The following AMN1 variants were observed in gnomAD, a reference collection of about 807,000 sequenced individuals.
AMN1 encodes antagonist of mitotic exit network 1 homolog, also known as protein AMN1 homolog.
A neutral mutation model predicts 33.0 loss-of-function variants in AMN1; 20 were observed. The ratio of observed to expected loss-of-function variants is 0.61; its 90% confidence interval spans 0.43 to 0.88. The LOEUF is 0.88. Ranked by LOEUF, AMN1 falls within the 40% of genes least tolerant of loss-of-function variation. AMN1 has a pLI of 0.00. For synonymous variants in AMN1, 114 were observed against 111.9 expected (o/e 1.02, Z -0.12); for missense variants, 246 against 307.4 (o/e 0.80, Z 1.49).
chr12:31,685,524 G>A (rs1325623709), intron 6 of AMN1, among the ~76,000 whole-genome samples: 2 of 152,060 alleles, frequency 1.3e-5, no homozygotes, highest in African/African-American at 4.8e-5. Flanking sequence ...CAAACAGCTG[G>A]GCGTGGTAGC....
At chr12:31,688,196 C>G (rs1938350113) in intron 6 of AMN1, among the ~76,000 whole-genome samples, 1 of 152,202 alleles carries the variant, frequency 6.6e-6, no homozygotes, top group Non-Finnish European at 1.5e-5. Flanking sequence ...TCAGGTGATC[C>G]ACCCGCCTTG....
In AMN1 at chr12:31,697,367, TTTC is replaced by T. The variant is rs1938774937; in HGVS notation, c.582_584del (p.Lys195del). On this transcript the variant is annotated inframe_deletion, in exon 5 of 7. Coordinates refer to ENST00000281471, the MANE Select transcript of AMN1 (RefSeq NM_001113402.2). ...ATAATTGTTTTAAAATTACCTCTAA[TTTC>T]TTCGCACAAGGTCCACTAACAAGTG... 1 of 1,611,680 alleles carries T rather than the reference TTTC, an allele frequency of 6.2e-7. No homozygotes were observed. The highest frequency in any genetic ancestry group is 8.5e-7 in the Non-Finnish European group (1 of 1,178,600).
At chr12:31,686,730 A>T (rs1157258531) in intron 6 of AMN1, among the ~76,000 whole-genome samples, 1 of 152,200 alleles carries the variant, frequency 6.6e-6, no homozygotes, top group Admixed American at 6.5e-5. Flanking sequence ...AGTGAAAAAA[A>T]TGCTTGCACA....
chr12:31,706,470 G>A (rs955031479), intron 2 of AMN1, among the ~76,000 whole-genome samples: 1 of 152,106 alleles, frequency 6.6e-6, no homozygotes, highest in Admixed American at 6.5e-5. Context: ...TGGCTGCAGA[G>A]TGGTGGTGGC....
At chr12:31,701,673 T>C (rs1203691694) in intron 3 of AMN1, among the ~76,000 whole-genome samples, 190 bp downstream of exon 3, 3 of 152,216 alleles carry the variant, frequency 2.0e-5, no homozygotes, top group Non-Finnish European at 4.4e-5. Flanking sequence ...TTTCTTAACT[T>C]TGAGCACTGA....
intron 2 of AMN1, among the ~76,000 whole-genome samples, chr12:31,708,177 C>T (rs1483364634): frequency 6.6e-6 from 1 of 152,180 alleles, no homozygotes; most frequent in Non-Finnish European, 1.5e-5. Context: ...TTTCTTCTTG[C>T]AGAGAGCCTA....
At chr12:31,711,678 G>T (rs1939472144) in intron 1 of AMN1, among the ~76,000 whole-genome samples, 1 of 152,112 alleles carries the variant, frequency 6.6e-6, no homozygotes, top group Non-Finnish European at 1.5e-5. Context: ...GGGTAACTGG[G>T]TTATCCATCA....
intron 1 of AMN1, among the ~76,000 whole-genome samples, chr12:31,727,398 G>A (rs1940117943): frequency 6.6e-6 from 1 of 152,170 alleles, no homozygotes; most frequent in South Asian, 2.1e-4. Flanking sequence ...GACTGAAAGA[G>A]GAAATGCTCT....
chr12:31,728,546 AC>A (rs1940174789), intron 1 of AMN1, among the ~76,000 whole-genome samples: 1 of 152,180 alleles, frequency 6.6e-6, no homozygotes, highest in Non-Finnish European at 1.5e-5. Context: ...GGTCTTAACC[AC>A]TTTGTTACCT....
intron 6 of AMN1, chr12:31,673,596 G>A: frequency 4.7e-6 from 2 of 423,650 alleles, no homozygotes; most frequent in Non-Finnish European, 9.4e-6. Flanking sequence ...TATAGAAGAA[G>A]GGGGAAACAC....
intron 6 of AMN1, chr12:31,672,830 G>T: frequency 6.3e-6 from 1 of 159,974 alleles, no homozygotes; most frequent in Non-Finnish European, 1.4e-5. Flanking sequence ...AAACCACCTT[G>T]GGAAGCTGCA....
intron 1 of AMN1, among the ~76,000 whole-genome samples, chr12:31,728,271 T>A (rs1450495148): frequency 1.1e-4 from 17 of 152,196 alleles, no homozygotes; most frequent in Admixed American, 1.1e-3. Flanking sequence ...CCTTGTAACT[T>A]CCATTTCCGT....
At chr12:31,679,991 T>TG (rs2139656541) in intron 6 of AMN1, among the ~76,000 whole-genome samples, 1 of 150,944 alleles carries the variant, frequency 6.6e-6, no homozygotes, top group South Asian at 2.1e-4. Context: ...CCGGGTGTGG[T>TG]GGCACCCGCT....
intron 1 of AMN1, chr12:31,714,839 C>T (rs1356522043): frequency 1.2e-6 from 1 of 855,338 alleles, no homozygotes; most frequent in African/African-American, 1.8e-5. Context: ...AAAAGCTCTA[C>T]CTGAAACAAA....
intron 6 of AMN1, among the ~76,000 whole-genome samples, chr12:31,684,763 G>A (rs906901241): frequency 6.6e-6 from 1 of 152,184 alleles, no homozygotes; most frequent in East Asian, 1.9e-4. Context: ...GAGCCACCGC[G>A]CCCGGCCTGG....
At chr12:31,714,799 A>T in intron 1 of AMN1, 1 of 432,010 alleles carries the variant, frequency 2.3e-6, no homozygotes, top group Non-Finnish European at 3.1e-6. Context: ...ACTTTGCAGT[A>T]ATGTGTATGC....
rs184378458 is a variant in AMN1, at chr12:31,717,951, T to C, written c.39-8526A>G. On this transcript the variant is annotated intron_variant, in intron 1 of 6. Coordinates refer to ENST00000281471, the MANE Select transcript of AMN1 (RefSeq NM_001113402.2). ...GTGTTCTCATTGTTCAACCTGAATT[T>C]GAATGTTGGCCTGTCTTGCTAGGTT... Among the ~76,000 whole-genome samples the C allele has an allele frequency of 6.5e-3, 984 of 152,242 alleles. 8 individuals carry two copies. The highest frequency in any genetic ancestry group is 0.011 in the Non-Finnish European group (774 of 68,012).
At chr12:31,724,504 T>A (rs776512285) in intron 1 of AMN1, among the ~76,000 whole-genome samples, 1 of 152,212 alleles carries the variant, frequency 6.6e-6, no homozygotes, top group Non-Finnish European at 1.5e-5. Flanking sequence ...AATTTATGAA[T>A]TGTTTCTTCC....
At chr12:31,729,035 C>T (rs1240620914), upstream of AMN1, 5 of 1,537,014 alleles carry the variant, frequency 3.3e-6, no homozygotes, top group South Asian at 1.2e-5. Context: ...GCCTCTTCCG[C>T]GGTCCCAGGG....
Sources: allele counts gnomAD v4.1 joint callset (sites outside exome capture counted in the v4.1 genomes callset), GRCh38; gene constraint gnomAD v4.1.1; transcripts MANE v1.5; gene names NCBI Gene and HGNC (gene_info 2026-07-23, HGNC 2026-07-21).